Variants in CNTN5 observed in about 807,000 individuals in gnomAD.
CNTN5 encodes the protein contactin-5.
A neutral mutation model predicts 129.1 loss-of-function variants in CNTN5; 77 were observed. That is an observed-to-expected ratio of 0.60 (90% CI 0.50 to 0.72). CNTN5 has a LOEUF of 0.72. Among genes scored for constraint, CNTN5 ranks in the 30% least tolerant of loss-of-function variants. CNTN5 has a pLI of 0.00. For synonymous variants in CNTN5, 509 were observed against 465.6 expected (o/e 1.09, Z -1.20); for missense variants, 1,478 against 1,328.8 (o/e 1.11, Z -1.75).
At chr11:99,748,534 GA>G (rs930796539) in intron 3 of CNTN5, among the ~76,000 whole-genome samples, 2 of 152,134 alleles carry the variant, frequency 1.3e-5, no homozygotes, top group Admixed American at 1.3e-4. Flanking sequence ...TGGAGAACTA[GA>G]AAAGCCAATG....
At chr11:100,026,677 A>G (rs1488879216) in intron 9 of CNTN5, among the ~76,000 whole-genome samples, 1 of 152,062 alleles carries the variant, frequency 6.6e-6, no homozygotes, top group Non-Finnish European at 1.5e-5. Context: ...ATTTGTGTAT[A>G]TTCTTTACTG....
Position 99,234,458 on chromosome 11 carries a change from G to T in CNTN5, c.-209-90888G>T, listed in dbSNP as rs532052111. 1.6e-3 allele frequency among the ~76,000 whole-genome samples: 237 copies of T among 151,712 alleles called. 4 individuals carry two copies. In the South Asian group the frequency reaches 0.046, roughly 29 times the overall value. ...GTAAACAACTGTTAACTATTTACAG[G>T]CACTGCAGAATTTGTTACTTTTATT... On this transcript the variant is annotated intron_variant, in intron 1 of 24. Transcript: ENST00000524871.
intron 2 of CNTN5, among the ~76,000 whole-genome samples, chr11:99,548,099 G>C (rs1451717405): frequency 6.6e-6 from 1 of 151,942 alleles, no homozygotes; most frequent in African/African-American, 2.4e-5. Context: ...GAATTTTATA[G>C]CTTACTTCTG....
chr11:99,959,635 T>C lies in CNTN5; in HGVS notation c.877+2626T>C, dbSNP rs754268530. ...ATGTTAATTGAACTGACTGTAGCAG[T>C]TGACGTTGTTGACACTTTTTTCTTT... On this transcript the variant is annotated intron_variant, in intron 8 of 24. Transcript: ENST00000524871. Among the ~76,000 whole-genome samples, 3 of 152,218 alleles carry C rather than the reference T, an allele frequency of 2.0e-5. No individual in the cohort carries two copies. In the South Asian group the frequency reaches 6.2e-4, roughly 31 times the overall value.
intron 3 of CNTN5, among the ~76,000 whole-genome samples, chr11:99,595,218 C>G (rs1049486480): frequency 1.8e-4 from 28 of 151,966 alleles, no homozygotes; most frequent in Non-Finnish European, 3.5e-4. Context: ...TAAATGTTGC[C>G]ACTACAAAAA....
intron 9 of CNTN5, among the ~76,000 whole-genome samples, chr11:100,014,581 A>G (rs929360728): frequency 2.0e-5 from 3 of 151,956 alleles, no homozygotes; most frequent in Admixed American, 6.6e-5. Context: ...CTCCGTCTCA[A>G]AAAAAAATAA....
chr11:99,837,523 C>CT (rs978135955), intron 4 of CNTN5, among the ~76,000 whole-genome samples: 12 of 151,640 alleles, frequency 7.9e-5, no homozygotes, highest in Admixed American at 4.6e-4. Flanking sequence ...TTGTGCATGA[C>CT]TTTTTTTTGT....
intron 1 of CNTN5, among the ~76,000 whole-genome samples, chr11:99,280,418 C>T (rs1311941150): frequency 1.3e-5 from 2 of 151,616 alleles, no homozygotes; most frequent in African/African-American, 2.4e-5. Context: ...TTTGAGCCTA[C>T]CTAAGGTGGA....
At chr11:100,189,469 AC>A in intron 13 of CNTN5, among the ~76,000 whole-genome samples, 1 of 152,230 alleles carries the variant, frequency 6.6e-6, no homozygotes, top group South Asian at 2.1e-4. Flanking sequence ...AAGGAAGTAA[AC>A]TTTTAAGCCA....
At chr11:99,873,400 A>G (rs1948553475) in intron 6 of CNTN5, among the ~76,000 whole-genome samples, 1 of 152,176 alleles carries the variant, frequency 6.6e-6, no homozygotes, top group Non-Finnish European at 1.5e-5. Context: ...AAACTGGTCA[A>G]AAGACATGAC....
chr11:99,228,901 T>C (rs1860834122), intron 1 of CNTN5, among the ~76,000 whole-genome samples: 1 of 152,070 alleles, frequency 6.6e-6, no homozygotes, highest in Admixed American at 6.5e-5. Context: ...ACTGTATATA[T>C]TTCACAGTAC....
At chr11:100,209,758 A>G (rs1289854230) in intron 15 of CNTN5, among the ~76,000 whole-genome samples, 2 of 152,202 alleles carry the variant, frequency 1.3e-5, no homozygotes, top group Non-Finnish European at 2.9e-5. Flanking sequence ...TTAATAAACT[A>G]CTATAAAGAG....
At chr11:99,048,659 C>A (rs1002661364) in intron 1 of CNTN5, among the ~76,000 whole-genome samples, 1 of 152,092 alleles carries the variant, frequency 6.6e-6, no homozygotes, top group Non-Finnish European at 1.5e-5. Flanking sequence ...TCAACTATTA[C>A]CAAACTACAT....
intron 2 of CNTN5, among the ~76,000 whole-genome samples, chr11:99,424,870 G>A (rs1358095818): frequency 6.6e-6 from 1 of 152,232 alleles, no homozygotes; most frequent in Non-Finnish European, 1.5e-5. Context: ...GAGGTACGTG[G>A]ACAACTGGAG....
At chr11:99,634,815 A>C (rs2135815767) in intron 3 of CNTN5, among the ~76,000 whole-genome samples, 1 of 152,280 alleles carries the variant, frequency 6.6e-6, no homozygotes, top group South Asian at 2.1e-4. Flanking sequence ...GAAGTAGGCA[A>C]GATGACAGCT....
At chr11:99,990,249 G>A (rs7104010) in intron 8 of CNTN5, among the ~76,000 whole-genome samples, 44,576 of 151,844 alleles carry the variant, frequency 0.29, 6,927 homozygotes, top group African/African-American at 0.38. Context: ...AACAGGATAA[G>A]AAAATAAGTC....
intron 3 of CNTN5, among the ~76,000 whole-genome samples, chr11:99,776,715 C>T (rs777581118): frequency 2.9e-4 from 44 of 150,906 alleles, no homozygotes; most frequent in Non-Finnish European, 4.4e-4. Flanking sequence ...GGGACAGAAG[C>T]TAATCAACTC....
At chr11:99,217,821 A>T (rs1174776907) in intron 1 of CNTN5, among the ~76,000 whole-genome samples, 1 of 152,020 alleles carries the variant, frequency 6.6e-6, no homozygotes, top group East Asian at 1.9e-4. Flanking sequence ...TATTTGCTAG[A>T]TTGCATCCCC....
intron 3 of CNTN5, among the ~76,000 whole-genome samples, chr11:99,559,372 A>C (rs1247347137): frequency 6.6e-6 from 1 of 152,120 alleles, no homozygotes; most frequent in East Asian, 1.9e-4. Context: ...TAAGAAACGG[A>C]AAAGAACTCT....
Sources: gnomAD v4.1 joint callset for allele counts (sites outside exome capture counted in the v4.1 genomes callset) on GRCh38, gnomAD v4.1.1 for gene constraint, MANE v1.5 for transcripts, NCBI Gene and HGNC (gene_info 2026-07-23, HGNC 2026-07-21) for gene names.